Variants in IQSEC1 observed in about 807,000 individuals in gnomAD.
IQSEC1 encodes the protein IQ motif and Sec7 domain ArfGEF 1.
IQSEC1 carries 31 observed loss-of-function variants against 91.0 expected under a neutral mutation model. The observed-to-expected ratio is 0.34, with a 90% confidence interval of 0.26 to 0.46. IQSEC1 has a LOEUF of 0.46. Ranked by LOEUF, IQSEC1 falls within the 20% of genes least tolerant of loss-of-function variation. The pLI, the probability that IQSEC1 is intolerant of heterozygous loss-of-function variation, is 1.00. For synonymous variants in IQSEC1, 699 were observed against 662.6 expected (o/e 1.05, Z -0.84); for missense variants, 1,388 against 1,575.6 (o/e 0.88, Z 2.02).
chr3:13,131,293 C>A (rs902773010), intron 2 of IQSEC1, among the ~76,000 whole-genome samples: 3 of 151,242 alleles, frequency 2.0e-5, no homozygotes, highest in Admixed American at 2.0e-4. Flanking sequence ...ATAGCCATTC[C>A]AATTTTCTTT....
intron 1 of IQSEC1, among the ~76,000 whole-genome samples, chr3:12,966,971 A>G (rs1576070004): frequency 6.6e-6 from 1 of 151,426 alleles, no homozygotes; most frequent in Non-Finnish European, 1.5e-5. Context: ...CCCGCTGGGC[A>G]CCCTCCCACC....
chr3:13,125,111 C>T (rs937943590), intron 2 of IQSEC1, among the ~76,000 whole-genome samples: 1 of 152,188 alleles, frequency 6.6e-6, no homozygotes, highest in Admixed American at 6.5e-5. Context: ...AACTCTACAG[C>T]ATGGTTTCTG....
intron 1 of IQSEC1, among the ~76,000 whole-genome samples, chr3:13,205,144 G>A (rs2125054893): frequency 6.6e-6 from 1 of 152,144 alleles, no homozygotes; most frequent in Middle Eastern, 3.4e-3. Context: ...GCTTTCCTGT[G>A]CTGACTTGGT....
chr3:13,011,132 A>T (rs1170447099), intron 1 of IQSEC1, among the ~76,000 whole-genome samples: 2 of 151,982 alleles, frequency 1.3e-5, no homozygotes, highest in Non-Finnish European at 2.9e-5. Flanking sequence ...AGAAATGAAC[A>T]TCCTGGATTG....
chr3:13,127,899 AG>A (rs1403166263), intron 2 of IQSEC1, among the ~76,000 whole-genome samples: 1 of 152,252 alleles, frequency 6.6e-6, no homozygotes, highest in Non-Finnish European at 1.5e-5. Context: ...TTTATGCAGA[AG>A]AATCTAATTT....
At chr3:12,911,889 G>A (rs536303578) in intron 9 of IQSEC1, among the ~76,000 whole-genome samples, 161 bp from the exon 10 acceptor site, 16 of 152,286 alleles carry the variant, frequency 1.1e-4, no homozygotes, top group Admixed American at 7.2e-4. Flanking sequence ...CTCGGACAAC[G>A]GTTCCTGTCC....
At chr3:13,109,029 C>T (rs761624430) in intron 2 of IQSEC1, among the ~76,000 whole-genome samples, 13 of 152,318 alleles carry the variant, frequency 8.5e-5, no homozygotes, top group Admixed American at 2.0e-4. Context: ...TGGATGCATG[C>T]GTCCAAACAG....
Position 12,900,273 on chromosome 3 carries a change from C to CT in IQSEC1, c.*709dup, listed in dbSNP as rs1301171500. On this transcript the variant is annotated 3_prime_UTR_variant, in exon 14 of 14. Transcript: ENST00000613206. ...ATTTTAGCCAGTCCTAGAGGGACTT[C>CT]TTTGTATGAAAATATGAAGTATCTG... 1 of 984,800 alleles carries CT rather than the reference C, an allele frequency of 1.0e-6. No homozygotes were observed. The highest frequency in any genetic ancestry group is 1.7e-5 in the African/African-American group (1 of 57,152). 61.0% of individuals were successfully genotyped at this position (984,800 alleles called of 1,614,324 possible).
At position 12,941,781 on chromosome 3, in the gene IQSEC1, AC is replaced by A; in HGVS notation, c.107del (p.Gly36ValfsTer4). 1.2e-6 allele frequency: 2 copies of A among 1,611,686 alleles called. No homozygotes were observed. Among genetic ancestry groups the A allele is most frequent in the Non-Finnish European group, 1.7e-6 (2 of 1,179,774 alleles). On this transcript the variant is annotated frameshift_variant, in exon 2 of 14. Coordinates refer to ENST00000613206, the MANE Select transcript of IQSEC1 (RefSeq NM_001134382.3). LOFTEE classifies it high-confidence loss of function. ...CGTAGTGATCCGGGCTCAGGCTGGA[AC>A]CGGGCACCAAGGGGCCCTGGGGGTA... is the stretch of plus-strand genomic sequence containing the variant. ...SAYPQGPLVP[G>X]SSLSPDHYEH...
intron 2 of IQSEC1, among the ~76,000 whole-genome samples, chr3:13,085,526 G>A (rs901100244): frequency 4.0e-4 from 61 of 152,342 alleles, no homozygotes; most frequent in Non-Finnish European, 8.5e-4. Flanking sequence ...CCTCCGTGAC[G>A]GCAGCCCTGC....
At chr3:12,920,256 A>G (rs1696499077) in intron 6 of IQSEC1, among the ~76,000 whole-genome samples, 174 bp downstream of exon 6, 1 of 152,126 alleles carries the variant, frequency 6.6e-6, no homozygotes, top group African/African-American at 2.4e-5. Context: ...CTCTAAGGCA[A>G]TGCTCTTTCC....
At chr3:13,043,908 A>G (rs1329886537) in intron 1 of IQSEC1, among the ~76,000 whole-genome samples, 2 of 152,186 alleles carry the variant, frequency 1.3e-5, no homozygotes, top group Non-Finnish European at 1.5e-5. Flanking sequence ...TCCCCCTCAG[A>G]TGAGGAAACA....
intron 1 of IQSEC1, among the ~76,000 whole-genome samples, chr3:12,952,255 C>T (rs1467962491): frequency 1.3e-5 from 2 of 152,160 alleles, no homozygotes; most frequent in African/African-American, 4.8e-5. Context: ...GACAGCCCAA[C>T]CTCAGGCTCC....
intron 1 of IQSEC1, among the ~76,000 whole-genome samples, chr3:13,050,580 C>T (rs967073485): frequency 3.3e-5 from 5 of 152,262 alleles, no homozygotes; most frequent in Non-Finnish European, 5.9e-5. Flanking sequence ...AAGGTTAACA[C>T]ATGAGTTCTA....
At chr3:13,088,669 A>C (rs1211462352) in intron 2 of IQSEC1, among the ~76,000 whole-genome samples, 1 of 151,948 alleles carries the variant, frequency 6.6e-6, no homozygotes. Context: ...TAAAAACCCC[A>C]ATCCTTGCCA....
intron 1 of IQSEC1, among the ~76,000 whole-genome samples, chr3:13,173,441 G>A (rs1693657127): frequency 6.6e-6 from 1 of 152,234 alleles, no homozygotes; most frequent in African/African-American, 2.4e-5. Flanking sequence ...TGTCTGGTCA[G>A]GCTTTGGGGA....
At chr3:12,975,767 T>C (rs1477211510) in intron 1 of IQSEC1, among the ~76,000 whole-genome samples, 1 of 152,224 alleles carries the variant, frequency 6.6e-6, no homozygotes, top group African/African-American at 2.4e-5. Flanking sequence ...CTCAGAAAGA[T>C]TAAAGAATTT....
Position 12,924,467 on chromosome 3 carries a change from C to T in IQSEC1, c.1730+114G>A, listed in dbSNP as rs542383491. Reference sequence around the variant, plus strand: ...TTAGGAAGAGAGAAAGGGGGGCCCACCACATGTCCCAGCAAGTAGGGTGGG... The same window carrying T: ...TTAGGAAGAGAGAAAGGGGGGCCCATCACATGTCCCAGCAAGTAGGGTGGG... On this transcript the variant is annotated intron_variant, in intron 4 of 13. Coordinates refer to ENST00000613206, the MANE Select transcript of IQSEC1 (RefSeq NM_001134382.3). The surrounding 1 kb of genome is among the most constrained non-coding windows in gnomAD (Gnocchi z 6.3). The T allele has an allele frequency of 2.7e-6, 3 of 1,106,236 alleles. No individual in the cohort carries two copies. Among genetic ancestry groups the T allele is most frequent in the Admixed American group, 6.0e-5 (2 of 33,068 alleles). The allele number at this position is 1,106,236 out of a possible 1,614,324, so 68.5% of individuals were successfully genotyped here. A position where few individuals can be genotyped will look rare whatever the true frequency, so the allele number is the denominator to read the frequency against.
In IQSEC1 at chr3:12,900,848, G is replaced by A. The variant is rs1055105806; in HGVS notation, c.*135C>T. The stretch of plus-strand genomic sequence containing the variant: ...CAGCCCTGTGGGCTCCTGGGGCTCC[G>A]GTTGGGCCGTGAGGGGCAGAGGGGA... On this transcript the variant is annotated 3_prime_UTR_variant, in exon 14 of 14. Coordinates refer to ENST00000613206, the MANE Select transcript of IQSEC1 (RefSeq NM_001134382.3). 46 of 1,523,480 alleles carry A rather than the reference G, an allele frequency of 3.0e-5. No homozygotes were observed. The highest frequency in any genetic ancestry group is 3.9e-5 in the Non-Finnish European group (44 of 1,140,778). 94.4% of individuals were successfully genotyped at this position (1,523,480 alleles called of 1,614,324 possible).
Sources: gnomAD v4.1 joint callset for allele counts (sites outside exome capture counted in the v4.1 genomes callset) on GRCh38, gnomAD v4.1.1 for gene constraint, Gnocchi (gnomAD v3.1) non-coding constraint, MANE v1.5 for transcripts, NCBI Gene and HGNC (gene_info 2026-07-23, HGNC 2026-07-21) for gene names.